CRY1: variants seen among roughly 807,000 people sequenced by gnomAD.
The protein encoded by CRY1 is cryptochrome circadian regulator 1.
In CRY1, 45 loss-of-function variants were observed where a neutral mutation model predicts 76.0. The ratio of observed to expected loss-of-function variants is 0.59; its 90% confidence interval spans 0.47 to 0.76. The LOEUF (loss-of-function observed/expected upper bound fraction) is 0.76. Ranked by LOEUF, CRY1 falls within the 30% of genes least tolerant of loss-of-function variation. The pLI, the probability that CRY1 is intolerant of heterozygous loss-of-function variation, is 0.00. For synonymous variants in CRY1, 248 were observed against 244.0 expected, an observed-to-expected ratio of 1.02 and a Z score of -0.15; for missense variants, 587 against 716.4, an observed-to-expected ratio of 0.82 and a Z score of 2.06.
chr12:107,040,154 C>A (rs541845632), intron 1 of CRY1, among the ~76,000 whole-genome samples: 2 of 151,810 alleles, frequency 1.3e-5, no homozygotes, highest in South Asian at 4.2e-4. Context: ...TGGTCAAACT[C>A]ATAGAAGCAG....
intron 2 of CRY1, among the ~76,000 whole-genome samples, chr12:107,011,369 A>C (rs977987740): frequency 6.6e-6 from 1 of 152,126 alleles, no homozygotes; most frequent in Non-Finnish European, 1.5e-5. Context: ...ACAAAAAAAA[A>C]AAACAAAAAA....
chr12:107,032,220 C>T (rs1365958787), intron 1 of CRY1, among the ~76,000 whole-genome samples: 1 of 152,228 alleles, frequency 6.6e-6, no homozygotes, highest in Admixed American at 6.5e-5. Flanking sequence ...AGGCATGAGC[C>T]ACCACGCCCG....
intron 1 of CRY1, among the ~76,000 whole-genome samples, chr12:107,053,710 G>T (rs1202804082): frequency 2.0e-5 from 3 of 152,200 alleles, no homozygotes; most frequent in East Asian, 3.8e-4. Flanking sequence ...ATGAAAGATA[G>T]CAACAGACAG....
intron 2 of CRY1, among the ~76,000 whole-genome samples, chr12:107,014,960 C>G (rs542572634): frequency 1.5e-3 from 231 of 152,192 alleles, no homozygotes; most frequent in African/African-American, 5.1e-3. Flanking sequence ...TCACTGCAAC[C>G]TCCGCCTCCT....
intron 2 of CRY1, among the ~76,000 whole-genome samples, chr12:107,009,494 G>T (rs1952414977): frequency 6.7e-6 from 1 of 148,498 alleles, no homozygotes; most frequent in African/African-American, 2.5e-5. Context: ...AGCCAAGGTT[G>T]TACCACTGCA....
In CRY1 at chr12:107,092,970, G is replaced by A. The variant is rs375648547; in HGVS notation, c.-9C>T. On this transcript the variant is annotated 5_prime_UTR_variant, in exon 1 of 13. Coordinates refer to ENST00000008527, the MANE Select transcript of CRY1 (RefSeq NM_004075.5). ...ACGGCGTTCACCCCCATGCCGGGGG[G>A]CGCGGCGGGTCCTCCACGGAGAAAT... 1.3e-5 allele frequency: 20 copies of A among 1,530,034 alleles called. No individual in the cohort carries two copies. In the African/African-American group the frequency reaches 2.6e-4, roughly 20 times the overall value. 94.8% of individuals were successfully genotyped at this position (1,530,034 alleles called of 1,614,324 possible).
Position 107,001,380 on chromosome 12 carries a change from A to G in CRY1, c.596-12T>C. On this transcript the variant is annotated splice_polypyrimidine_tract_variant and intron_variant, in intron 4 of 12. Transcript: ENST00000008527. ...ATCTGTATCAAAACCTACAAGAAAG[A>G]AAAGAAAAAAACATCATTCTTCCGA... 1 of 1,589,976 alleles carries G rather than the reference A, an allele frequency of 6.3e-7. No homozygotes were observed. Among genetic ancestry groups the G allele is most frequent in the Non-Finnish European group, 8.5e-7 (1 of 1,170,464 alleles).
chr12:107,024,047 TAAG>T (rs975960371), intron 1 of CRY1, among the ~76,000 whole-genome samples: 10 of 152,208 alleles, frequency 6.6e-5, no homozygotes, highest in African/African-American at 2.4e-4. Context: ...GATCAAAAAT[TAAG>T]AAGTTGAAAG....
chr12:106,997,795 T>C, intron 8 of CRY1, 105 bp from the exon 9 acceptor site: 3 of 1,525,520 alleles, frequency 2.0e-6, no homozygotes, highest in Non-Finnish European at 2.7e-6. Flanking sequence ...AAATGATCTG[T>C]TTACCCTTCT....
intron 1 of CRY1, among the ~76,000 whole-genome samples, chr12:107,071,596 T>G (rs893463381): frequency 1.3e-4 from 20 of 152,190 alleles, no homozygotes; most frequent in Non-Finnish European, 1.9e-4. Context: ...TGATGTTTTT[T>G]GTGGAGGTAA....
chr12:107,001,441 C>T (rs1952310097), intron 4 of CRY1, 73 bp from the exon 5 acceptor site: 2 of 1,287,064 alleles, frequency 1.6e-6, no homozygotes, highest in Admixed American at 4.3e-5. Context: ...ACTGGGAGAA[C>T]AAATTACTTT....
intron 1 of CRY1, among the ~76,000 whole-genome samples, chr12:107,089,134 C>A (rs1289102724): frequency 1.3e-5 from 2 of 152,100 alleles, no homozygotes; most frequent in Non-Finnish European, 2.9e-5. Flanking sequence ...ATTTTGTTTA[C>A]CCATTCATCA....
intron 1 of CRY1, among the ~76,000 whole-genome samples, chr12:107,088,292 C>T (rs1953427820): frequency 6.6e-6 from 1 of 151,888 alleles, no homozygotes; most frequent in African/African-American, 2.4e-5. Context: ...TATCCCTCCC[C>T]TCTCTCTCTC....
intron 1 of CRY1, among the ~76,000 whole-genome samples, chr12:107,081,905 C>A (rs1953330319): frequency 6.6e-6 from 1 of 151,980 alleles, no homozygotes; most frequent in African/African-American, 2.4e-5. Flanking sequence ...ATCTCTAATA[C>A]TGCAGATGGA....
chr12:107,026,248 C>T (rs1406046216), intron 1 of CRY1, among the ~76,000 whole-genome samples: 1 of 117,208 alleles, frequency 8.5e-6, no homozygotes, highest in East Asian at 2.9e-4. Context: ...CTCTCTCTTT[C>T]TGAGACACAG....
intron 1 of CRY1, among the ~76,000 whole-genome samples, chr12:107,061,269 T>C (rs1953043367): frequency 1.3e-5 from 2 of 152,276 alleles, no homozygotes; most frequent in Middle Eastern, 3.4e-3. Context: ...TTATTAGTGA[T>C]GGCTCACTAC....
At chr12:107,089,232 A>C (rs1181492481) in intron 1 of CRY1, among the ~76,000 whole-genome samples, 1 of 152,216 alleles carries the variant, frequency 6.6e-6, no homozygotes, top group African/African-American at 2.4e-5. Flanking sequence ...TGTATAGGAT[A>C]ATTTTTCTAA....
intron 1 of CRY1, among the ~76,000 whole-genome samples, chr12:107,057,937 G>A (rs1290438467): frequency 1.3e-5 from 2 of 151,862 alleles, no homozygotes; most frequent in South Asian, 2.1e-4. Context: ...GGTGGCATGT[G>A]CCTGTGGTCC....
intron 1 of CRY1, among the ~76,000 whole-genome samples, chr12:107,078,428 A>C (rs10778526): frequency 6.6e-6 from 1 of 151,962 alleles, no homozygotes; most frequent in South Asian, 2.1e-4. Flanking sequence ...CAGTTTCCAT[A>C]ATATGGCACT....
Sources: allele counts gnomAD v4.1 joint callset (sites outside exome capture counted in the v4.1 genomes callset), GRCh38; gene constraint gnomAD v4.1.1; transcripts MANE v1.5; gene names NCBI Gene and HGNC (gene_info 2026-07-23, HGNC 2026-07-21).